FTO: variants seen among roughly 807,000 people sequenced by gnomAD.
FTO encodes the protein FTO alpha-ketoglutarate dependent dioxygenase, also known as alpha-ketoglutarate-dependent dioxygenase FTO.
A neutral mutation model predicts 63.9 loss-of-function variants in FTO; 47 were observed. That is an observed-to-expected ratio of 0.74 (90% confidence interval 0.58 to 0.94). The LOEUF (loss-of-function observed/expected upper bound fraction) is 0.94. Among genes scored for constraint, FTO ranks in the 40% least tolerant of loss-of-function variants. The pLI, the probability that FTO is intolerant of heterozygous loss-of-function variation, is 0.00. For missense variants in FTO, 562 were observed against 618.1 expected (o/e 0.91, Z 0.96); for synonymous variants, 207 against 224.4 (o/e 0.92, Z 0.69).
At chr16:53,997,571 G>A (rs1254046049) in intron 8 of FTO, among the ~76,000 whole-genome samples, 21 of 151,512 alleles carry the variant, frequency 1.4e-4, no homozygotes, top group Admixed American at 1.3e-3. Flanking sequence ...AAGAAGGGGC[G>A]GGGCGGGGTG....
At chr16:53,837,291 A>G (rs1382641043) in intron 3 of FTO, among the ~76,000 whole-genome samples, 1 of 152,180 alleles carries the variant, frequency 6.6e-6, no homozygotes, top group Non-Finnish European at 1.5e-5. Flanking sequence ...TTTTTCCCCA[A>G]ATGCTTAATC....
At chr16:54,094,750 G>A (rs564568873) in intron 8 of FTO, among the ~76,000 whole-genome samples, 18 of 152,214 alleles carry the variant, frequency 1.2e-4, no homozygotes, top group African/African-American at 2.6e-4. Context: ...GGCCTAGGAC[G>A]CCACCGAAGA....
At chr16:53,744,932 A>T (rs1329032296) in intron 1 of FTO, among the ~76,000 whole-genome samples, 1 of 152,032 alleles carries the variant, frequency 6.6e-6, no homozygotes, top group East Asian at 1.9e-4. Flanking sequence ...GGTTCAGTCT[A>T]CTGCCTGTCA....
intron 1 of FTO, among the ~76,000 whole-genome samples, chr16:53,721,004 G>T (rs1485308725): frequency 1.3e-5 from 2 of 152,018 alleles, no homozygotes; most frequent in African/African-American, 4.8e-5. Context: ...TGCTCAGGCT[G>T]GTTTCAAACC....
intron 1 of FTO, among the ~76,000 whole-genome samples, chr16:53,744,411 C>T (rs1446290119): frequency 6.6e-6 from 1 of 152,108 alleles, no homozygotes; most frequent in African/African-American, 2.4e-5. Context: ...TCTTTAGTCA[C>T]GAATAATTTA....
intron 1 of FTO, among the ~76,000 whole-genome samples, chr16:53,783,604 TAAA>T (rs753810468): frequency 1.6e-4 from 11 of 68,144 alleles, no homozygotes; most frequent in African/African-American, 5.3e-4. Context: ...CAAGACTCCA[TAAA>T]AAAAAAAAAA....
intron 1 of FTO, among the ~76,000 whole-genome samples, chr16:53,728,769 T>TA (rs960293841): frequency 2.7e-5 from 4 of 150,566 alleles, no homozygotes; most frequent in African/African-American, 9.8e-5. Flanking sequence ...TACTTCTTTT[T>TA]TTTTTTTTTT....
intron 4 of FTO, among the ~76,000 whole-genome samples, chr16:53,870,982 C>T (rs553654808): frequency 4.8e-4 from 73 of 152,232 alleles, no homozygotes; most frequent in African/African-American, 1.7e-3. Flanking sequence ...TATTTTGTCA[C>T]CAGTTGTCTT....
intron 7 of FTO, among the ~76,000 whole-genome samples, chr16:53,891,615 C>T (rs137961075): frequency 4.8e-4 from 73 of 152,198 alleles, no homozygotes; most frequent in African/African-American, 1.6e-3. Flanking sequence ...GAGCTGTGAT[C>T]GCGTTACTGC....
Position 53,755,197 on chromosome 16 carries a change from G to C in FTO, c.45+50968G>C, listed in dbSNP as rs1268348386. On this transcript the variant is annotated intron_variant, in intron 1 of 8. Transcript: ENST00000471389. ...CTTTATTTATCCCGCTCTCATCCCT[G>C]TCACCTTTGGGCACCAGCCAAATGT... 5.3e-5 allele frequency among the ~76,000 whole-genome samples: 8 copies of C among 152,172 alleles called. No individual in the cohort carries two copies. In the East Asian group the frequency reaches 1.5e-3, roughly 29 times the overall value.
chr16:53,833,458 T>C (rs1469887970), intron 3 of FTO, among the ~76,000 whole-genome samples: 3 of 152,246 alleles, frequency 2.0e-5, no homozygotes, highest in African/African-American at 7.2e-5. Flanking sequence ...CGGCTATTCA[T>C]AATAGCCATC....
intron 1 of FTO, among the ~76,000 whole-genome samples, chr16:53,761,397 C>A (rs975181880): frequency 6.6e-6 from 1 of 152,058 alleles, no homozygotes; most frequent in Non-Finnish European, 1.5e-5. Context: ...CCACTGCACC[C>A]AGTATATTGT....
At chr16:53,893,635 A>G (rs1447335741) in intron 7 of FTO, among the ~76,000 whole-genome samples, 1 of 151,956 alleles carries the variant, frequency 6.6e-6, no homozygotes, top group African/African-American at 2.4e-5. Flanking sequence ...CTCTAAATTG[A>G]TGACATTTAT....
At chr16:53,863,961 A>C (rs979644417) in intron 4 of FTO, among the ~76,000 whole-genome samples, 5 of 152,196 alleles carry the variant, frequency 3.3e-5, no homozygotes, top group African/African-American at 1.2e-4. Context: ...ATAGTGCCAA[A>C]AGAGGTTTTG....
At chr16:53,822,775 A>G (rs1001949980) in intron 2 of FTO, among the ~76,000 whole-genome samples, 4 of 151,920 alleles carry the variant, frequency 2.6e-5, no homozygotes, top group African/African-American at 9.7e-5. Flanking sequence ...AAGCAGTTCT[A>G]CCTCTCCCCT....
chr16:53,818,445 A>T (rs1253480991), intron 2 of FTO, among the ~76,000 whole-genome samples: 1 of 152,138 alleles, frequency 6.6e-6, no homozygotes, highest in Non-Finnish European at 1.5e-5. Flanking sequence ...ATCAGAAAGA[A>T]TCTCTTGGCA....
At chr16:54,015,153 C>T (rs902453184) in intron 8 of FTO, among the ~76,000 whole-genome samples, 1 of 152,178 alleles carries the variant, frequency 6.6e-6, no homozygotes, top group African/African-American at 2.4e-5. Flanking sequence ...GCATGAGCCA[C>T]CATGCCCAGT....
chr16:53,901,835 A>G (rs1247199945), intron 7 of FTO, among the ~76,000 whole-genome samples: 2 of 152,172 alleles, frequency 1.3e-5, no homozygotes, highest in African/African-American at 4.8e-5. Context: ...TTGAGTGAGT[A>G]ATAACTCTCA....
intron 1 of FTO, among the ~76,000 whole-genome samples, chr16:53,764,830 G>C (rs2077160589): frequency 6.6e-6 from 1 of 151,798 alleles, no homozygotes; most frequent in Non-Finnish European, 1.5e-5. Context: ...AGCAATTCTT[G>C]TGCCTCAGCC....
Sources: allele counts gnomAD v4.1 joint callset (sites outside exome capture counted in the v4.1 genomes callset), GRCh38; gene constraint gnomAD v4.1.1; transcripts MANE v1.5; gene names NCBI Gene and HGNC (gene_info 2026-07-23, HGNC 2026-07-21).